Variants in BTBD7 observed in about 807,000 individuals in gnomAD.
BTBD7 encodes BTB/POZ domain-containing protein 7.
In BTBD7, 38 loss-of-function variants were observed where a neutral mutation model predicts 99.9. The ratio of observed to expected loss-of-function variants is 0.38; its 90% CI spans 0.29 to 0.50. The LOEUF is 0.50. Ranked by LOEUF, BTBD7 falls within the 20% of genes least tolerant of loss-of-function variation. BTBD7 has a pLI of 0.93. For missense variants in BTBD7, 1,170 were observed against 1,394.6 expected (o/e 0.84, Z 2.57); for synonymous variants, 520 against 511.4 (o/e 1.02, Z -0.23).
rs757362672 is a variant in BTBD7 at position 93,246,161 on chromosome 14, G to A, written c.2247C>T (p.Asp749=). ...AGGGTGGATGGAAGGCCACAAAAGA[G>A]TCCAGATCTGTAAACATGGTTTCTG... ...PPAETMFTDL[D]SFVAFHPPLP... is the part of the protein sequence containing the mutation. Residue 749 remains aspartate (D), a synonymous_variant, in exon 10 of 11, where the codon GAC becomes GAT. Transcript: ENST00000334746. 3 of 1,614,022 alleles carry A rather than the reference G, an allele frequency of 1.9e-6. No homozygotes were observed. Among genetic ancestry groups the A allele is most frequent in the Non-Finnish European group, 2.5e-6 (3 of 1,179,954 alleles).
At chr14:93,312,135 GT>G (rs927205258) in intron 1 of BTBD7, among the ~76,000 whole-genome samples, 9 of 152,038 alleles carry the variant, frequency 5.9e-5, no homozygotes, top group Non-Finnish European at 1.2e-4. Flanking sequence ...AATTAAGTTA[GT>G]AACTTCCTTC....
At position 93,257,214 on chromosome 14, in the gene BTBD7, C is replaced by T. The variant is rs1244043912; in HGVS notation, c.1589G>A (p.Ser530Asn). 1.9e-6 allele frequency: 3 copies of T among 1,613,794 alleles called. No homozygotes were observed. The highest frequency in any genetic ancestry group is 1.3e-5 in the African/African-American group (1 of 74,918). The part of the protein sequence containing the change: ...VRIEHILPIN[S>N]EVLSDAMKRG... The stretch of plus-strand genomic sequence containing the variant: ...ACTTACTGCATCACTTAAGACTTCA[C>T]TGTTTATAGGTAAGATGTGTTCAAT... The change falls in exon 6 of 11, where the codon AGT becomes AAT. Residue 530 changes from serine (S) to asparagine (N), a missense_variant. Around this residue, in one of 4 missense-constraint regions of BTBD7, gnomAD observed 309 missense variants for 342.0 expected, o/e 0.90. Coordinates refer to ENST00000334746, the MANE Select transcript of BTBD7 (RefSeq NM_001002860.4).
At chr14:93,271,784 C>T (rs1399615398) in intron 3 of BTBD7, among the ~76,000 whole-genome samples, 2 of 151,970 alleles carry the variant, frequency 1.3e-5, no homozygotes, top group African/African-American at 2.4e-5. Flanking sequence ...ACGGGCGGAT[C>T]GTTTGGGCTC....
intron 1 of BTBD7, among the ~76,000 whole-genome samples, chr14:93,300,604 T>C (rs1235071906): frequency 6.6e-6 from 1 of 151,292 alleles, no homozygotes; most frequent in Non-Finnish European, 1.5e-5. Flanking sequence ...TAGACGTGCA[T>C]GGCTCACTGC....
At chr14:93,277,511 C>T (rs1225439249) in intron 3 of BTBD7, among the ~76,000 whole-genome samples, 1 of 152,188 alleles carries the variant, frequency 6.6e-6, no homozygotes, top group Non-Finnish European at 1.5e-5. Flanking sequence ...GGATATACCA[C>T]TAGAGTGGGA....
intron 1 of BTBD7, among the ~76,000 whole-genome samples, chr14:93,316,856 C>T (rs1230860425): frequency 6.6e-6 from 1 of 152,012 alleles, no homozygotes; most frequent in Non-Finnish European, 1.5e-5. Flanking sequence ...GTAATTTGAT[C>T]CTTAGTACTA....
intron 3 of BTBD7, among the ~76,000 whole-genome samples, chr14:93,282,327 G>C (rs1301112373): frequency 6.8e-6 from 1 of 147,402 alleles, no homozygotes; most frequent in Admixed American, 6.9e-5. Flanking sequence ...TAAGAGCAAT[G>C]CTTTTTTCTT....
At chr14:93,252,905 C>T (rs1011759351) in intron 7 of BTBD7, among the ~76,000 whole-genome samples, 1 of 150,838 alleles carries the variant, frequency 6.6e-6, no homozygotes, top group Non-Finnish European at 1.5e-5. Flanking sequence ...CACTGTGCAG[C>T]CTTTGCCTCC....
At chr14:93,278,049 T>TA (rs2052676247) in intron 3 of BTBD7, among the ~76,000 whole-genome samples, 1 of 152,222 alleles carries the variant, frequency 6.6e-6, no homozygotes, top group African/African-American at 2.4e-5. Context: ...TGATGAATAG[T>TA]AAATTATTAT....
At chr14:93,322,313 C>G (rs1280646903) in intron 1 of BTBD7, among the ~76,000 whole-genome samples, 2 of 151,576 alleles carry the variant, frequency 1.3e-5, no homozygotes, top group Non-Finnish European at 2.9e-5. Context: ...GAGGTGTGAT[C>G]TCGCTATGTT....
chr14:93,278,229 A>G (rs1462889607), intron 3 of BTBD7, among the ~76,000 whole-genome samples: 8 of 151,688 alleles, frequency 5.3e-5, no homozygotes, highest in Non-Finnish European at 1.2e-4. Context: ...CCTGGCCAAC[A>G]TGGTGAAATC....
chr14:93,247,950 C>T (rs1442028955), intron 9 of BTBD7, among the ~76,000 whole-genome samples: 7 of 152,030 alleles, frequency 4.6e-5, no homozygotes, highest in East Asian at 3.8e-4. Flanking sequence ...AAAACAGAAA[C>T]GAAAGTGGGC....
intron 1 of BTBD7, among the ~76,000 whole-genome samples, chr14:93,311,603 A>G (rs1442823979): frequency 3.3e-5 from 5 of 152,114 alleles, no homozygotes; most frequent in African/African-American, 1.2e-4. Context: ...TCATTATCTT[A>G]TATCATTTCT....
chr14:93,313,142 A>G (rs2053157494), intron 1 of BTBD7, among the ~76,000 whole-genome samples: 2 of 152,208 alleles, frequency 1.3e-5, no homozygotes, highest in African/African-American at 2.4e-5. Context: ...AATCTAGGTC[A>G]TGTCAGTGTT....
intron 3 of BTBD7, among the ~76,000 whole-genome samples, chr14:93,291,847 A>G (rs2052860368): frequency 6.6e-6 from 1 of 152,106 alleles, no homozygotes; most frequent in African/African-American, 2.4e-5. Flanking sequence ...ATCAAGTATT[A>G]CCAAAGATCT....
At chr14:93,291,033 A>G (rs1426947839) in intron 3 of BTBD7, among the ~76,000 whole-genome samples, 5 of 122,568 alleles carry the variant, frequency 4.1e-5, no homozygotes, top group Non-Finnish European at 8.0e-5. Context: ...AGGTCTCACT[A>G]TATTGCCCAA....
chr14:93,242,544 G>C lies in BTBD7; in HGVS notation c.3128C>G (p.Ala1043Gly). ...PPQRSDFPLAAPENASTGPAH... is the reference protein window; with the variant it reads ...PPQRSDFPLAGPENASTGPAH... ...TGGACCGGTACTAGCATTTTCTGGG[G>C]CTGCCAAAGGAAAGTCTGACCGCTG... Residue 1043 changes from alanine (A) to glycine (G), a missense_variant, in exon 11 of 11, where the codon GCC becomes GGC. Physicochemically the swap from Ala to Gly is moderately conservative, Grantham distance 60. Around this residue, in one of 4 missense-constraint regions of BTBD7, gnomAD observed 495 missense variants for 525.9 expected, o/e 0.94. Coordinates refer to ENST00000334746, the MANE Select transcript of BTBD7 (RefSeq NM_001002860.4). The C allele has an allele frequency of 6.2e-7, 1 of 1,614,240 alleles. No homozygotes were observed. The highest frequency in any genetic ancestry group is 2.2e-5 in the East Asian group (1 of 44,886).
At chr14:93,281,424 G>A (rs1025284125) in intron 3 of BTBD7, among the ~76,000 whole-genome samples, 3 of 152,076 alleles carry the variant, frequency 2.0e-5, no homozygotes, top group Non-Finnish European at 2.9e-5. Flanking sequence ...GGCATGAGCC[G>A]CCTCACCTAG....
intron 10 of BTBD7, among the ~76,000 whole-genome samples, chr14:93,243,382 AC>A (rs2052262064): frequency 6.6e-6 from 1 of 152,000 alleles, no homozygotes; most frequent in Non-Finnish European, 1.5e-5. Flanking sequence ...TTTAGTGGAG[AC>A]GGGGTTTCAA....
Sources: allele counts gnomAD v4.1 joint callset (sites outside exome capture counted in the v4.1 genomes callset), GRCh38; gene constraint gnomAD v4.1.1; regional missense constraint gnomAD v4.1.1; transcripts MANE v1.5; gene names NCBI Gene and HGNC (gene_info 2026-07-23, HGNC 2026-07-21).